RPS6KA6: variants seen among roughly 807,000 people sequenced by gnomAD.
RPS6KA6 encodes ribosomal protein S6 kinase alpha-6.
Under a neutral mutation model 65.4 loss-of-function variants are expected in RPS6KA6, and 27 were observed. That is an observed-to-expected ratio of 0.41 (90% CI 0.30 to 0.57). The LOEUF (loss-of-function observed/expected upper bound fraction) is 0.57. RPS6KA6 is among the 20% of genes least tolerant of loss of function. RPS6KA6 has a pLI of 0.24. For synonymous variants in RPS6KA6, 190 were observed against 184.2 expected, an observed-to-expected ratio of 1.03 and a Z score of -0.26; for missense variants, 486 against 555.6, an observed-to-expected ratio of 0.87 and a Z score of 1.26.
In RPS6KA6 at chrX:84,093,594, T is replaced by G. The variant is rs1297642609; in HGVS notation, c.1971+2600A>C. ...AAGAGACGTAAGAATAAAACCAAGC[T>G]TTAATATGTATTATTACTTAAACAC... On this transcript the variant is annotated intron_variant, in intron 20 of 21. Transcript: ENST00000262752. Among the ~76,000 whole-genome samples the G allele has an allele frequency of 2.7e-5, 3 of 112,278 alleles. No individual in the cohort carries two copies. The East Asian group carries it at 8.4e-4, about 31-fold the overall frequency.
intron 9 of RPS6KA6, among the ~76,000 whole-genome samples, chrX:84,117,870 C>T (rs2034597769): frequency 9.0e-6 from 1 of 110,846 alleles, no homozygotes; most frequent in Admixed American, 9.6e-5. Context: ...AAAGATTTAA[C>T]CATTCTCATT....
intron 12 of RPS6KA6, among the ~76,000 whole-genome samples, chrX:84,109,336 C>T (rs192312549): frequency 7.2e-5 from 8 of 111,221 alleles, no homozygotes; most frequent in African/African-American, 2.3e-4. Flanking sequence ...CTTGGGACTT[C>T]GACCACATAA....
chrX:84,163,532 G>A (rs1209326548), intron 2 of RPS6KA6, among the ~76,000 whole-genome samples: 3 of 105,030 alleles, frequency 2.9e-5, no homozygotes, highest in African/African-American at 1.0e-4. Flanking sequence ...CCAGCTACTC[G>A]GGAGGCTGAG....
At chrX:84,147,905 C>A in intron 4 of RPS6KA6, 137 bp downstream of exon 4, 1 of 380,672 alleles carries the variant, frequency 2.6e-6, no homozygotes, top group Non-Finnish European at 4.6e-6. Context: ...GTAATATTAC[C>A]TACAGGTTAG....
intron 1 of RPS6KA6, among the ~76,000 whole-genome samples, chrX:84,168,242 T>C (rs962711496): frequency 1.8e-5 from 2 of 111,361 alleles, no homozygotes; most frequent in Non-Finnish European, 3.8e-5. Flanking sequence ...CACCTTCTCA[T>C]CCCACTCCAC....
In RPS6KA6 at chrX:84,063,114, A is replaced by G. The variant is rs1225546267; in HGVS notation, c.*1163T>C. 9.0e-6 allele frequency: 1 copy of G among 111,675 alleles called. No homozygotes were observed. The highest frequency in any genetic ancestry group is 1.9e-5 in the Non-Finnish European group (1 of 53,039). The allele number at this position is 111,675 out of a possible 1,213,427, so 9.2% of individuals were successfully genotyped here. ...ATTTGGCCAGTTTTTTATAAATATGATTTTAAAATGTGCTCAAATTTTTTG... is the reference window on the plus strand; with the variant it reads ...ATTTGGCCAGTTTTTTATAAATATGGTTTTAAAATGTGCTCAAATTTTTTG... On this transcript the variant is annotated 3_prime_UTR_variant, in exon 22 of 22. Transcript: ENST00000262752.
chrX:84,149,410 A>G (rs1423005077), intron 3 of RPS6KA6, among the ~76,000 whole-genome samples: 3 of 112,115 alleles, frequency 2.7e-5, no homozygotes, highest in East Asian at 5.6e-4. Context: ...CTTTGCCCAG[A>G]TTCATCAGAG....
chrX:84,138,239 T>C (rs749221940), intron 6 of RPS6KA6, among the ~76,000 whole-genome samples: 7 of 111,792 alleles, frequency 6.3e-5, no homozygotes, highest in Non-Finnish European at 9.4e-5. Context: ...CTATACAGTA[T>C]GTTTCCAATC....
In RPS6KA6 at chrX:84,133,419, A is replaced by G. The variant is rs189648422; in HGVS notation, c.646+1363T>C. On this transcript the variant is annotated intron_variant, in intron 8 of 21. Transcript: ENST00000262752. Reference sequence around the variant, plus strand: ...GAATTGTTAAAAAAAATTATAAATCACATTTCTTCCTGTTACATGCTTTGT... The same window carrying G: ...GAATTGTTAAAAAAAATTATAAATCGCATTTCTTCCTGTTACATGCTTTGT... Among the ~76,000 whole-genome samples, 758 of 111,940 alleles carry G rather than the reference A, an allele frequency of 6.8e-3. 5 individuals are homozygous for G. Among genetic ancestry groups the G allele is most frequent in the South Asian group, 0.027 (74 of 2,711 alleles).
At chrX:84,143,214 T>A (rs985318823) in intron 6 of RPS6KA6, among the ~76,000 whole-genome samples, 1 of 111,303 alleles carries the variant, frequency 9.0e-6, no homozygotes, top group Admixed American at 9.6e-5. Context: ...AAAAAAATTA[T>A]AATCTCAATA....
rs1053267324 is a variant in RPS6KA6, at chrX:84,188,179, G to A, written c.-280C>T. Among the ~76,000 whole-genome samples, 67 of 111,176 alleles carry A rather than the reference G, an allele frequency of 6.0e-4. No homozygotes were observed. The highest frequency in any genetic ancestry group is 2.1e-3 in the African/African-American group (64 of 30,605). ...TCGCGCTCACCACTGCCACCACAAC[G>A]ACAGCCGCTCGGTGGTGACTCCCCC... On this transcript the variant is annotated 5_prime_UTR_variant, in exon 1 of 22. Transcript: ENST00000262752.
chrX:84,157,581 C>T (rs1250331531), intron 2 of RPS6KA6, among the ~76,000 whole-genome samples: 1 of 110,577 alleles, frequency 9.0e-6, no homozygotes, highest in Non-Finnish European at 1.9e-5. Flanking sequence ...GAAACCTTGG[C>T]TAAATCACAA....
intron 1 of RPS6KA6, among the ~76,000 whole-genome samples, chrX:84,170,000 T>C (rs1337259561): frequency 9.3e-6 from 1 of 107,762 alleles, no homozygotes; most frequent in African/African-American, 3.4e-5. Flanking sequence ...GTGAAACCCG[T>C]CTCTACTAAA....
At chrX:84,109,441 C>G (rs916082639) in intron 12 of RPS6KA6, among the ~76,000 whole-genome samples, 1 of 111,085 alleles carries the variant, frequency 9.0e-6, no homozygotes. Flanking sequence ...ATCTGAGAAT[C>G]CTGTGGGCCC....
intron 1 of RPS6KA6, among the ~76,000 whole-genome samples, chrX:84,166,498 C>A (rs547411992): frequency 1.8e-5 from 2 of 110,666 alleles, no homozygotes; most frequent in African/African-American, 6.6e-5. Context: ...ATGCAGGTGG[C>A]TGAGGAAATA....
In RPS6KA6 at chrX:84,135,129, C is replaced by T; in HGVS notation, c.583G>A (p.Val195Ile). The T allele has an allele frequency of 8.3e-7, 1 of 1,203,828 alleles. No individual in the cohort carries two copies. The highest frequency in any genetic ancestry group is 1.1e-6 in the Non-Finnish European group (1 of 889,471). Residue 195 changes from valine (V) to isoleucine (I), a missense_variant, in exon 7 of 22, where the codon GTT becomes ATT. Val to Ile is a conservative substitution (Grantham distance 29). Transcript: ENST00000262752. ...ALDHLHQLGIVYRDLKPENIL... is the reference protein window; with the variant it reads ...ALDHLHQLGIIYRDLKPENIL... ...TTTTCTGGCTTCAGGTCTCTATAAA[C>T]AATTCCTAATTGGTGCAGATGATCC...
At chrX:84,110,362 A>C (rs893260824) in intron 12 of RPS6KA6, among the ~76,000 whole-genome samples, 3 of 112,277 alleles carry the variant, frequency 2.7e-5, no homozygotes, top group African/African-American at 9.7e-5. Flanking sequence ...ATTTGTGTGC[A>C]AGCCAGACAA....
In RPS6KA6 at chrX:84,119,516, A is replaced by T. The variant is rs1010773117; in HGVS notation, c.789+369T>A. Among the ~76,000 whole-genome samples the T allele has an allele frequency of 2.7e-5, 3 of 111,685 alleles. No homozygotes were observed. The Admixed American group carries it at 2.9e-4, about 11-fold the overall frequency. On this transcript the variant is annotated intron_variant, in intron 9 of 21. Coordinates refer to ENST00000262752, the MANE Select transcript of RPS6KA6 (RefSeq NM_014496.5). ...AACCTTTCTAGGGAATACATGGAACAATCTGACAATAAGACACTATATGGT... is the reference window on the plus strand; with the variant it reads ...AACCTTTCTAGGGAATACATGGAACTATCTGACAATAAGACACTATATGGT...
Position 84,102,099 on chromosome X carries a change from G to T in RPS6KA6, c.1714C>A (p.Leu572Ile), listed in dbSNP as rs771726589. 20 of 1,200,684 alleles carry T rather than the reference G, an allele frequency of 1.7e-5. No homozygotes were observed. The highest frequency in any genetic ancestry group is 3.4e-6 in the Non-Finnish European group (3 of 889,783). ...RICDFGFAKQ[L>I]RGENGLLLTP... is the part of the protein sequence containing the mutation. ...AAGAGAAGTCCATTTTCTCCTCGAA[G>T]TTGTTTTGCAAACCCAAAATCACAT... is the stretch of plus-strand genomic sequence containing the variant. The change falls in exon 18 of 22, where the codon CTT (leucine) becomes ATT (isoleucine). Residue 572 changes from leucine to isoleucine, a missense_variant. Around this residue, in one of 3 missense-constraint regions of RPS6KA6, gnomAD observed 345 missense variants for 375.0 expected, o/e 0.92. Coordinates refer to ENST00000262752, the MANE Select transcript of RPS6KA6 (RefSeq NM_014496.5).
Sources: gnomAD v4.1 joint callset for allele counts (sites outside exome capture counted in the v4.1 genomes callset) on GRCh38, gnomAD v4.1.1 for gene constraint, gnomAD v4.1.1 regional missense constraint, MANE v1.5 for transcripts, NCBI Gene and HGNC (gene_info 2026-07-23, HGNC 2026-07-21) for gene names.